The following CDH12 variants were observed in gnomAD, a reference collection of about 807,000 sequenced individuals.
The protein encoded by CDH12 is cadherin-12.
Under a neutral mutation model 74.1 loss-of-function variants are expected in CDH12, and 41 were observed. The ratio of observed to expected loss-of-function variants is 0.55; its 90% CI spans 0.43 to 0.72. The LOEUF is 0.72. Among genes scored for constraint, CDH12 ranks in the 30% least tolerant of loss-of-function variants. CDH12 has a pLI of 0.00. For synonymous variants in CDH12, 399 were observed against 355.0 expected (o/e 1.12, Z -1.39); for missense variants, 945 against 977.2 (o/e 0.97, Z 0.44).
intron 8 of CDH12, among the ~76,000 whole-genome samples, chr5:21,838,116 A>T (rs1257570062): frequency 6.6e-6 from 1 of 152,190 alleles, no homozygotes; most frequent in East Asian, 1.9e-4. Context: ...AAGTCAGTTA[A>T]TTTTGTTGAT....
At chr5:22,452,014 C>A (rs1745063482) in intron 2 of CDH12, among the ~76,000 whole-genome samples, 1 of 151,606 alleles carries the variant, frequency 6.6e-6, no homozygotes, top group Non-Finnish European at 1.5e-5. Context: ...TGCATTTAAC[C>A]AATGAGGTGA....
rs546196379 is a variant in CDH12 at position 22,396,351 on chromosome 5, G to C, written c.-333+8906C>G. On this transcript the variant is annotated intron_variant, in intron 3 of 14. Transcript: ENST00000382254. Reference sequence around the variant, plus strand: ...CCAGTTACTCCTGTGGAGCAAAGGAGACTTTCTGCCTGATGCACTAGAAGC... The same window carrying C: ...CCAGTTACTCCTGTGGAGCAAAGGACACTTTCTGCCTGATGCACTAGAAGC... Among the ~76,000 whole-genome samples the C allele has an allele frequency of 3.7e-4, 56 of 152,222 alleles. 1 individual carries two copies. In the South Asian group the frequency reaches 0.011, roughly 30 times the overall value.
chr5:22,439,928 A>G (rs530424547), intron 2 of CDH12, among the ~76,000 whole-genome samples: 2 of 152,172 alleles, frequency 1.3e-5, no homozygotes, highest in Non-Finnish European at 2.9e-5. Context: ...GATTTTTTGC[A>G]TCCCTTTCCT....
chr5:22,482,963 A>G (rs1300992885), intron 2 of CDH12, among the ~76,000 whole-genome samples: 1 of 152,176 alleles, frequency 6.6e-6, no homozygotes, highest in Admixed American at 6.5e-5. Flanking sequence ...TCATTTGCCT[A>G]GCTGGTAATT....
chr5:22,519,577 C>T (rs1736959977), intron 1 of CDH12, among the ~76,000 whole-genome samples: 2 of 151,964 alleles, frequency 1.3e-5, no homozygotes. Context: ...GCGCCCGTCA[C>T]CACACCCGGC....
intron 3 of CDH12, among the ~76,000 whole-genome samples, chr5:22,338,539 A>C (rs1190814993): frequency 3.9e-5 from 6 of 152,168 alleles, no homozygotes; most frequent in Non-Finnish European, 8.8e-5. Flanking sequence ...TATAGCCAAT[A>C]ATAATTTAAT....
intron 3 of CDH12, among the ~76,000 whole-genome samples, chr5:22,404,263 C>A (rs1293786982): frequency 6.6e-6 from 1 of 151,952 alleles, no homozygotes; most frequent in African/African-American, 2.4e-5. Flanking sequence ...ACTCAAAGCA[C>A]AAACTCACCT....
intron 5 of CDH12, among the ~76,000 whole-genome samples, chr5:22,008,951 T>C (rs957387184): frequency 6.6e-6 from 1 of 152,204 alleles, no homozygotes; most frequent in Non-Finnish European, 1.5e-5. Flanking sequence ...TTCTATGGCG[T>C]AGAACTTGCT....
At chr5:22,474,098 G>A (rs964773384) in intron 2 of CDH12, among the ~76,000 whole-genome samples, 1 of 152,082 alleles carries the variant, frequency 6.6e-6, no homozygotes, top group African/African-American at 2.4e-5. Context: ...ATTTAGTAAT[G>A]AGTCACAAGG....
At position 22,804,947 on chromosome 5, in the gene CDH12, A is replaced by T. The variant is rs1561043552; in HGVS notation, c.-523+48111T>A. Among the ~76,000 whole-genome samples, 3 of 152,196 alleles carry T rather than the reference A, an allele frequency of 2.0e-5. No individual in the cohort carries two copies. In the South Asian group the frequency reaches 6.2e-4, roughly 32 times the overall value. ...TTTTATCTTTTCCCTTTGTTTTTAA[A>T]ATCTTACTGAACTTTAAAGGTCACC... On this transcript the variant is annotated intron_variant, in intron 1 of 14. Transcript: ENST00000382254.
chr5:22,589,091 C>T (rs919160566), intron 1 of CDH12, among the ~76,000 whole-genome samples: 2 of 152,012 alleles, frequency 1.3e-5, no homozygotes, highest in Non-Finnish European at 2.9e-5. Flanking sequence ...CTTGGCTGTT[C>T]CCAATATGGG....
chr5:22,769,544 G>C (rs1484203497), intron 1 of CDH12, among the ~76,000 whole-genome samples: 3 of 152,062 alleles, frequency 2.0e-5, no homozygotes, highest in Non-Finnish European at 4.4e-5. Flanking sequence ...TCAGCTTGGA[G>C]ATAGCCTATC....
chr5:22,283,239 T>TAG (rs1736985408), intron 3 of CDH12, among the ~76,000 whole-genome samples: 4 of 107,940 alleles, frequency 3.7e-5, no homozygotes, highest in African/African-American at 1.6e-4. Context: ...TATATATATA[T>TAG]ATATATATAT....
At chr5:22,107,409 G>A (rs1309138453) in intron 4 of CDH12, among the ~76,000 whole-genome samples, 3 of 149,892 alleles carry the variant, frequency 2.0e-5, no homozygotes, top group Non-Finnish European at 3.0e-5. Flanking sequence ...GGGATTACAG[G>A]CGTGAGCCAC....
intron 1 of CDH12, among the ~76,000 whole-genome samples, chr5:22,821,918 T>G (rs1357022617): frequency 2.7e-5 from 4 of 150,280 alleles, no homozygotes; most frequent in African/African-American, 4.9e-5. Context: ...GAGCCTGCAT[T>G]GCCAAGTCAA....
At chr5:22,151,642 T>A (rs1472260906) in intron 4 of CDH12, among the ~76,000 whole-genome samples, 1 of 152,154 alleles carries the variant, frequency 6.6e-6, no homozygotes, top group African/African-American at 2.4e-5. Context: ...TTTTCCTAAC[T>A]GCAAAGAAAA....
intron 3 of CDH12, among the ~76,000 whole-genome samples, chr5:22,288,574 G>T (rs1428832092): frequency 6.6e-6 from 1 of 152,236 alleles, no homozygotes; most frequent in East Asian, 1.9e-4. Flanking sequence ...GACAGAAGAA[G>T]AATAAGTTAG....
intron 2 of CDH12, among the ~76,000 whole-genome samples, chr5:22,427,632 A>C (rs1038973025): frequency 2.6e-5 from 4 of 152,164 alleles, no homozygotes; most frequent in Non-Finnish European, 4.4e-5. Flanking sequence ...TTGGTGAATA[A>C]ATTTAAGGGA....
chr5:22,106,587 C>A (rs575143258), intron 4 of CDH12, among the ~76,000 whole-genome samples: 13 of 152,266 alleles, frequency 8.5e-5, no homozygotes, highest in Middle Eastern at 3.4e-3. Flanking sequence ...TTAAAAACCC[C>A]TCCATTGTTT....
Sources: allele counts gnomAD v4.1 joint callset (sites outside exome capture counted in the v4.1 genomes callset), GRCh38; gene constraint gnomAD v4.1.1; transcripts MANE v1.5; gene names NCBI Gene and HGNC (gene_info 2026-07-23, HGNC 2026-07-21).